PTPRD: variants seen among roughly 807,000 people sequenced by gnomAD.
The protein encoded by PTPRD is receptor-type tyrosine-protein phosphatase delta.
Under a neutral mutation model 214.5 loss-of-function variants are expected in PTPRD, and 34 were observed. That is an observed-to-expected ratio of 0.16 (90% CI 0.12 to 0.21). PTPRD has a LOEUF of 0.21. Among genes scored for constraint, PTPRD ranks in the 10% least tolerant of loss-of-function variants. The pLI, the probability that PTPRD is intolerant of heterozygous loss-of-function variation, is 1.00. For synonymous variants in PTPRD, 1,128 were observed against 845.7 expected, an observed-to-expected ratio of 1.33 and a Z score of -5.79; for missense variants, 2,545 against 2,398.7, an observed-to-expected ratio of 1.06 and a Z score of -1.27.
intron 44 of PTPRD, among the ~76,000 whole-genome samples, chr9:8,321,479 GTGTGTGTGTATATA>G (rs1246670002): frequency 1.9e-4 from 11 of 58,120 alleles, no homozygotes; most frequent in African/African-American, 5.8e-4. Flanking sequence ...GTGTGTGTGT[GTGTGTGTGTATATA>G]TATATATATA....
At chr9:8,427,059 C>T (rs12001718) in intron 35 of PTPRD, among the ~76,000 whole-genome samples, 7,194 of 152,114 alleles carry the variant, frequency 0.047, 260 homozygotes, top group African/African-American at 0.1. Context: ...GGACTCTGTA[C>T]TTTTTCATTT....
intron 7 of PTPRD, among the ~76,000 whole-genome samples, chr9:9,697,572 A>T (rs548805198): frequency 6.6e-6 from 1 of 152,052 alleles, no homozygotes; most frequent in East Asian, 1.9e-4. Flanking sequence ...GAAGTCTCTC[A>T]TATGTTTTTT....
At chr9:9,325,684 C>A (rs983140709) in intron 9 of PTPRD, among the ~76,000 whole-genome samples, 1 of 152,048 alleles carries the variant, frequency 6.6e-6, no homozygotes, top group Admixed American at 6.6e-5. Context: ...TACCCTTTAT[C>A]TCTTTCTCCT....
At chr9:8,955,823 T>C (rs2099128630) in intron 11 of PTPRD, among the ~76,000 whole-genome samples, 1 of 151,872 alleles carries the variant, frequency 6.6e-6, no homozygotes, top group Non-Finnish European at 1.5e-5. Flanking sequence ...TCATCTTAAA[T>C]GTAACTGTCC....
At chr9:9,629,600 C>T (rs2095527968) in intron 7 of PTPRD, among the ~76,000 whole-genome samples, 1 of 152,162 alleles carries the variant, frequency 6.6e-6, no homozygotes, top group African/African-American at 2.4e-5. Context: ...ACAGCCTATT[C>T]TGCACCAGAA....
intron 7 of PTPRD, among the ~76,000 whole-genome samples, chr9:9,726,712 A>C (rs2098099849): frequency 6.6e-6 from 1 of 152,202 alleles, no homozygotes; most frequent in African/African-American, 2.4e-5. Flanking sequence ...ATGTTTGTGG[A>C]TAACTTTTCA....
At chr9:9,735,525 T>G (rs1226006439) in intron 6 of PTPRD, among the ~76,000 whole-genome samples, 2 of 152,102 alleles carry the variant, frequency 1.3e-5, no homozygotes, top group African/African-American at 4.8e-5. Context: ...CATCTTACTG[T>G]CAGAAAATTT....
chr9:10,583,223 C>T (rs12683583), intron 2 of PTPRD, among the ~76,000 whole-genome samples: 23,915 of 152,066 alleles, frequency 0.16, 2,270 homozygotes, highest in Non-Finnish European at 0.22. Context: ...AGGAAGTTCA[C>T]GAGGAGTTGG....
At chr9:9,534,149 T>C (rs1181478687) in intron 8 of PTPRD, among the ~76,000 whole-genome samples, 2 of 152,118 alleles carry the variant, frequency 1.3e-5, no homozygotes, top group African/African-American at 4.8e-5. Flanking sequence ...CGTGTTGCTA[T>C]ATTCGTTGTT....
In PTPRD at chr9:9,924,910, T is replaced by C. The variant is rs146704548; in HGVS notation, c.-368+13597A>G. Among the ~76,000 whole-genome samples the C allele has an allele frequency of 2.8e-3, 432 of 152,236 alleles. 2 individuals are homozygous for C. The highest frequency in any genetic ancestry group is 9.8e-3 in the African/African-American group (407 of 41,574). ...ACCTTCTGTCCTTGCTTTCAACTCC[T>C]AGCTAGAGTGCATGAAATACTAATC... On this transcript the variant is annotated intron_variant, in intron 5 of 45. Coordinates refer to ENST00000381196, the MANE Select transcript of PTPRD (RefSeq NM_002839.4).
At chr9:9,468,613 A>C (rs994686860) in intron 8 of PTPRD, among the ~76,000 whole-genome samples, 1 of 152,164 alleles carries the variant, frequency 6.6e-6, no homozygotes, top group Admixed American at 6.5e-5. Flanking sequence ...CAGTCTATAT[A>C]TGTTTCTCTA....
intron 42 of PTPRD, among the ~76,000 whole-genome samples, chr9:8,339,846 A>C (rs573437183): frequency 7.2e-6 from 1 of 139,038 alleles, no homozygotes; most frequent in African/African-American, 3.3e-5. Context: ...AAAAAAAAAC[A>C]AACCACTTTT....
intron 36 of PTPRD, among the ~76,000 whole-genome samples, chr9:8,401,439 A>C (rs1206217030): frequency 6.6e-6 from 1 of 152,222 alleles, no homozygotes; most frequent in Non-Finnish European, 1.5e-5. Context: ...AGGGGATGCC[A>C]ATGGTAATTG....
chr9:8,507,455 G>T, intron 21 of PTPRD, 21 bp from the exon 22 acceptor site: 1 of 1,613,442 alleles, frequency 6.2e-7, no homozygotes, highest in South Asian at 1.1e-5. Context: ...GGAGGCAATG[G>T]ATTGAACTCA....
chr9:9,906,473 C>T (rs1422746479), intron 5 of PTPRD, among the ~76,000 whole-genome samples: 1 of 151,822 alleles, frequency 6.6e-6, no homozygotes, highest in East Asian at 1.9e-4. Flanking sequence ...CAGTAGGCAA[C>T]TGGTTGAAGC....
chr9:10,474,818 G>T (rs546226597), intron 2 of PTPRD, among the ~76,000 whole-genome samples: 1 of 152,194 alleles, frequency 6.6e-6, no homozygotes, highest in South Asian at 2.1e-4. Context: ...TTAGAACTCA[G>T]AAGTAAGAAA....
At chr9:9,032,493 G>A (rs1406815090) in intron 10 of PTPRD, among the ~76,000 whole-genome samples, 2 of 151,954 alleles carry the variant, frequency 1.3e-5, no homozygotes, top group Non-Finnish European at 2.9e-5. Flanking sequence ...TAATTATGAG[G>A]GAAGGAAATG....
chr9:10,536,148 C>A (rs1227850603), intron 2 of PTPRD, among the ~76,000 whole-genome samples: 1 of 151,988 alleles, frequency 6.6e-6, no homozygotes, highest in Non-Finnish European at 1.5e-5. Context: ...AGAGGCAGGA[C>A]CAAGGAATAT....
intron 3 of PTPRD, among the ~76,000 whole-genome samples, chr9:10,117,693 A>C (rs2098742280): frequency 6.6e-6 from 1 of 151,662 alleles, no homozygotes; most frequent in Non-Finnish European, 1.5e-5. Flanking sequence ...CCTTGAGAAA[A>C]GACCCTATTT....
Sources: gnomAD v4.1 joint callset for allele counts (sites outside exome capture counted in the v4.1 genomes callset) on GRCh38, gnomAD v4.1.1 for gene constraint, MANE v1.5 for transcripts, NCBI Gene and HGNC (gene_info 2026-07-23, HGNC 2026-07-21) for gene names.